The following ADPGK variants were observed in gnomAD, a reference collection of about 807,000 sequenced individuals.
ADPGK encodes ADP dependent glucokinase, also known as ADP-dependent glucokinase.
ADPGK carries 26 observed loss-of-function variants against 42.4 expected under a neutral mutation model. The ratio of observed to expected loss-of-function variants is 0.61; its 90% CI spans 0.45 to 0.85. The LOEUF (loss-of-function observed/expected upper bound fraction) is 0.85. Among genes scored for constraint, ADPGK ranks in the 40% least tolerant of loss-of-function variants. The pLI, the probability that ADPGK is intolerant of heterozygous loss-of-function variation, is 0.00. For missense variants in ADPGK, 571 were observed against 627.0 expected, an observed-to-expected ratio of 0.91 and a Z score of 0.95; for synonymous variants, 267 against 252.6, an observed-to-expected ratio of 1.06 and a Z score of -0.54.
intron 1 of ADPGK, among the ~76,000 whole-genome samples, chr15:72,782,536 A>AAAAAC (rs1445308233): frequency 6.6e-6 from 1 of 150,686 alleles, no homozygotes; most frequent in Non-Finnish European, 1.5e-5. Flanking sequence ...CCAAAAAAAA[A>AAAAAC]AAAAAAAAAA....
chr15:72,765,918 C>T (rs899237712), intron 3 of ADPGK, among the ~76,000 whole-genome samples: 6 of 152,204 alleles, frequency 3.9e-5, no homozygotes, highest in African/African-American at 7.2e-5. Context: ...GTATTACATA[C>T]ACTTAGTTGA....
intron 3 of ADPGK, among the ~76,000 whole-genome samples, chr15:72,769,262 C>A (rs1228944860): frequency 2.6e-5 from 4 of 152,088 alleles, no homozygotes; most frequent in Non-Finnish European, 2.9e-5. Context: ...AAACAAAAAA[C>A]CACACAATAA....
At position 72,782,015 on chromosome 15, in the gene ADPGK, T is replaced by C. The variant is rs2066464511; in HGVS notation, c.233+1444A>G. 2.0e-5 allele frequency among the ~76,000 whole-genome samples: 3 copies of C among 152,202 alleles called. No homozygotes were observed. In the South Asian group the frequency reaches 6.2e-4, roughly 32 times the overall value. ...TCGGAAGCCAATCCTGCCAACACCT[T>C]GATCTTGGACTATCAGCCTCCAGAT... On this transcript the variant is annotated intron_variant, in intron 1 of 6. Transcript: ENST00000456471.
At position 72,756,354 on chromosome 15, in the gene ADPGK, A is replaced by G; in HGVS notation, c.737T>C (p.Phe246Ser). The G allele has an allele frequency of 6.2e-7, 1 of 1,614,208 alleles. No homozygotes were observed. The highest frequency in any genetic ancestry group is 1.1e-5 in the South Asian group (1 of 91,078). Residue 246 changes from phenylalanine (F) to serine (S), a missense_variant, in exon 5 of 7, where the codon TTT (phenylalanine) becomes TCT (serine). By Grantham distance (155) the Phe-to-Ser change is radical. Transcript: ENST00000456471. ...CTGAAACTCCTCCAGGCTAGACACA[A>G]ACACCTCCAGCATATTCATGGCCCC... ...SNGAMNMLEV[F>S]VSSLEEFQPD...
At chr15:72,766,914 T>C (rs1319391821) in intron 3 of ADPGK, among the ~76,000 whole-genome samples, 1 of 152,200 alleles carries the variant, frequency 6.6e-6, no homozygotes, top group Non-Finnish European at 1.5e-5. Context: ...AATAGCAAGA[T>C]GTTAGATTTA....
rs1053822671 is a variant in ADPGK at position 72,751,756 on chromosome 15, A to G, written c.*585T>C. 6.5e-6 allele frequency: 1 copy of G among 152,908 alleles called. No individual in the cohort carries two copies. The highest frequency in any genetic ancestry group is 1.5e-5 in the Non-Finnish European group (1 of 68,486). The allele number at this position is 152,908 out of a possible 1,614,324, so 9.5% of individuals were successfully genotyped here. A position where few individuals can be genotyped will look rare whatever the true frequency, so the allele number is the denominator to read the frequency against. The stretch of plus-strand genomic sequence containing the variant: ...AGGCTTCCAGACAACTGCAGAATGA[A>G]AGAGTCCCTCAGAGGCTCCCCAGCC... On this transcript the variant is annotated 3_prime_UTR_variant, in exon 7 of 7. Transcript: ENST00000456471.
At chr15:72,767,662 A>G (rs79091292) in intron 3 of ADPGK, among the ~76,000 whole-genome samples, 3,931 of 152,296 alleles carry the variant, frequency 0.026, 58 homozygotes, top group Non-Finnish European at 0.036. Context: ...GAAAATCCCC[A>G]AATATTTAGG....
At chr15:72,775,203 C>T in intron 1 of ADPGK, 106 bp from the exon 2 acceptor site, 2 of 970,970 alleles carry the variant, frequency 2.1e-6, no homozygotes, top group South Asian at 2.9e-5. Flanking sequence ...ACAGAAAAAA[C>T]AGGAAGTAGG....
chr15:72,783,471 C>T lies in ADPGK; in HGVS notation c.221G>A (p.Arg74His), dbSNP rs760115697. The T allele has an allele frequency of 7.2e-7, 1 of 1,389,796 alleles. No individual in the cohort carries two copies. The highest frequency in any genetic ancestry group is 9.3e-7 in the Non-Finnish European group (1 of 1,078,528). The allele number at this position is 1,389,796 out of a possible 1,614,324, so 86.1% of individuals were successfully genotyped here. The change falls in exon 1 of 7, where the codon CGC becomes CAC. Residue 74 changes from arginine to histidine, a missense_variant. Transcript: ENST00000456471. ...CGTTGGCACTCACCCCACTGCCACG[C>T]GGCGCCAGCGCCGGACTGGCCGCAC... Reference protein sequence around the residue: ...LIVRPVRRWRRVAVGVNACVD... With the variant: ...LIVRPVRRWRHVAVGVNACVD...
chr15:72,776,411 T>TA (rs2151091872), intron 1 of ADPGK, among the ~76,000 whole-genome samples: 1 of 152,290 alleles, frequency 6.6e-6, no homozygotes, highest in Admixed American at 6.5e-5. Context: ...CCCCTAGTGA[T>TA]ACGGGTGACT....
At chr15:72,781,036 TGACA>T (rs1283402693) in intron 1 of ADPGK, among the ~76,000 whole-genome samples, 4 of 152,160 alleles carry the variant, frequency 2.6e-5, no homozygotes, top group Non-Finnish European at 5.9e-5. Context: ...TGTGTCTGTG[TGACA>T]GAGAGTGTGA....
intron 1 of ADPGK, among the ~76,000 whole-genome samples, chr15:72,777,674 T>A (rs766913599): frequency 2.0e-5 from 3 of 151,626 alleles, no homozygotes; most frequent in Non-Finnish European, 4.4e-5. Flanking sequence ...CAAGACTCCA[T>A]CTCAAAAACA....
chr15:72,781,197 GA>G (rs1566967174), intron 1 of ADPGK, among the ~76,000 whole-genome samples: 1 of 152,138 alleles, frequency 6.6e-6, no homozygotes, highest in African/African-American at 2.4e-5. Flanking sequence ...GAGAAGCAGT[GA>G]AACAGTTTAG....
At chr15:72,760,276 G>A (rs1015888434) in intron 4 of ADPGK, 131 bp downstream of exon 4, 1 of 1,237,910 alleles carries the variant, frequency 8.1e-7, no homozygotes, top group Non-Finnish European at 1.1e-6. Context: ...AATAGGTCAG[G>A]AAACTTTCAG....
At chr15:72,756,026 C>T (rs1007176304) in intron 5 of ADPGK, 1 of 693,462 alleles carries the variant, frequency 1.4e-6, no homozygotes, top group African/African-American at 1.8e-5. Context: ...GATGCAGAGG[C>T]TCAGGCAAGA....
At chr15:72,754,312 A>G (rs2066085972) in intron 6 of ADPGK, among the ~76,000 whole-genome samples, 1 of 152,048 alleles carries the variant, frequency 6.6e-6, no homozygotes, top group African/African-American at 2.4e-5. Flanking sequence ...GCCGCCCCAC[A>G]CACCGCTGAT....
intron 2 of ADPGK, 132 bp from the exon 3 acceptor site, chr15:72,771,977 G>C (rs1339374256): frequency 5.1e-6 from 3 of 589,658 alleles, no homozygotes; most frequent in African/African-American, 1.9e-5. Flanking sequence ...TTACATCAAA[G>C]GACACACAGA....
intron 3 of ADPGK, among the ~76,000 whole-genome samples, chr15:72,761,467 G>A (rs961712586): frequency 6.6e-6 from 1 of 152,142 alleles, no homozygotes; most frequent in African/African-American, 2.4e-5. Context: ...AGACTTCAGG[G>A]GAAGGTGCTC....
chr15:72,782,548 A>AAAC (rs1491551388), intron 1 of ADPGK, among the ~76,000 whole-genome samples: 2 of 149,050 alleles, frequency 1.3e-5, no homozygotes, highest in African/African-American at 4.9e-5. Flanking sequence ...AAAAAAAAAA[A>AAAC]CCCCAAAATT....
Sources: allele counts gnomAD v4.1 joint callset (sites outside exome capture counted in the v4.1 genomes callset), GRCh38; gene constraint gnomAD v4.1.1; transcripts MANE v1.5; gene names NCBI Gene and HGNC (gene_info 2026-07-23, HGNC 2026-07-21).